PRKN: variants seen among roughly 807,000 people sequenced by gnomAD.
The protein encoded by PRKN is parkin RBR E3 ubiquitin protein ligase, also known as E3 ubiquitin-protein ligase parkin.
In PRKN, 56 loss-of-function variants were observed where a neutral mutation model predicts 59.5. The observed-to-expected ratio is 0.94, with a 90% CI of 0.76 to 1.18. The LOEUF (loss-of-function observed/expected upper bound fraction) is 1.18. PRKN is among the 50% of genes most tolerant of loss of function. The pLI is 0.00. For missense variants in PRKN, 657 were observed against 596.4 expected (o/e 1.10, Z -1.06); for synonymous variants, 250 against 222.1 (o/e 1.13, Z -1.12).
intron 6 of PRKN, among the ~76,000 whole-genome samples, chr6:161,820,109 C>T (rs1791958896): frequency 2.0e-5 from 3 of 152,090 alleles, no homozygotes; most frequent in African/African-American, 7.2e-5. Context: ...TGTTTAACCT[C>T]ATTATTAATA....
intron 1 of PRKN, among the ~76,000 whole-genome samples, chr6:162,548,972 T>G (rs1779227850): frequency 1.3e-5 from 2 of 152,092 alleles, no homozygotes; most frequent in African/African-American, 4.8e-5. Flanking sequence ...GTAAAGGGAT[T>G]TCCCATCATA....
At chr6:161,773,979 G>A (rs1340708940) in intron 7 of PRKN, among the ~76,000 whole-genome samples, 1 of 152,112 alleles carries the variant, frequency 6.6e-6, no homozygotes, top group African/African-American at 2.4e-5. Context: ...CACTTCATCT[G>A]TAATCCAGAC....
At chr6:162,309,787 C>T (rs1782399663) in intron 2 of PRKN, among the ~76,000 whole-genome samples, 1 of 152,058 alleles carries the variant, frequency 6.6e-6, no homozygotes, top group Admixed American at 6.6e-5. Flanking sequence ...TGGAGTTTTG[C>T]TGTACAGATT....
chr6:162,374,244 T>C (rs1018123760), intron 2 of PRKN, among the ~76,000 whole-genome samples: 2 of 152,190 alleles, frequency 1.3e-5, no homozygotes. Context: ...CACACAGTTT[T>C]AAATTTTATT....
At position 161,757,865 on chromosome 6, in the gene PRKN, C is replaced by CTG. The variant is rs1293058952; in HGVS notation, c.871+27906_871+27907insCA. 5.4e-4 allele frequency among the ~76,000 whole-genome samples: 54 copies of CTG among 100,710 alleles called. 1 individual carries two copies. Among genetic ancestry groups the CTG allele is most frequent in the African/African-American group, 1.5e-3 (31 of 20,946 alleles). The allele number at this position is 100,710 out of a possible 152,430, so 66.1% of individuals were successfully genotyped here. On this transcript the variant is annotated intron_variant, in intron 7 of 11. Transcript: ENST00000366898. The stretch of plus-strand genomic sequence containing the variant: ...TCTCTCTCTCTCTCTCTCTCTCTCT[C>CTG]TCTCTCTGTGTATATATATATACAC...
chr6:161,412,449 A>G (rs187178209), intron 9 of PRKN, among the ~76,000 whole-genome samples: 89 of 129,154 alleles, frequency 6.9e-4, no homozygotes, highest in African/African-American at 2.5e-3. Context: ...TCCTCCACTC[A>G]CTCACTCCTT....
At chr6:162,174,851 T>C (rs2128320889) in intron 4 of PRKN, among the ~76,000 whole-genome samples, 1 of 152,316 alleles carries the variant, frequency 6.6e-6, no homozygotes, top group Non-Finnish European at 1.5e-5. Context: ...AAATACTAAC[T>C]GCATGCACTT....
chr6:161,644,789 G>A (rs1268026760), intron 7 of PRKN, among the ~76,000 whole-genome samples: 6 of 152,208 alleles, frequency 3.9e-5, no homozygotes, highest in East Asian at 1.9e-4. Flanking sequence ...GCTTCGAGAC[G>A]TCATTTGAGG....
At chr6:162,396,103 T>C (rs537141374) in intron 2 of PRKN, among the ~76,000 whole-genome samples, 2 of 152,166 alleles carry the variant, frequency 1.3e-5, no homozygotes, top group African/African-American at 4.8e-5. Context: ...GGCCTTAAGC[T>C]GAGTTAAGAG....
intron 2 of PRKN, among the ~76,000 whole-genome samples, chr6:162,329,908 T>C (rs1410432369): frequency 6.6e-6 from 1 of 152,128 alleles, no homozygotes; most frequent in African/African-American, 2.4e-5. Context: ...TGAGGGATCA[T>C]CTTGTCGGCC....
chr6:161,875,241 C>G (rs1442975968), intron 6 of PRKN, among the ~76,000 whole-genome samples: 2 of 148,770 alleles, frequency 1.3e-5, no homozygotes, highest in African/African-American at 5.0e-5. Context: ...GTTTCCCAGG[C>G]TAGAGTGGAG....
intron 4 of PRKN, among the ~76,000 whole-genome samples, chr6:162,146,818 C>T (rs1782050052): frequency 2.0e-5 from 3 of 151,210 alleles, no homozygotes; most frequent in East Asian, 2.0e-4. Context: ...TCTTTTTATT[C>T]CTCCTGGGCT....
Position 161,990,957 on chromosome 6 carries a change from C to T in PRKN, c.619-17540G>A, listed in dbSNP as rs141331244. Among the ~76,000 whole-genome samples, 710 of 152,248 alleles carry T rather than the reference C, an allele frequency of 4.7e-3. 4 individuals are homozygous for T. The highest frequency in any genetic ancestry group is 0.015 in the African/African-American group (612 of 41,552). ...TGTCTTTTTCAAGGAACATTAGAGT[C>T]AGACTGTTAAAAGTTAAAGACAAAC... On this transcript the variant is annotated intron_variant, in intron 5 of 11. Transcript: ENST00000366898.
At chr6:162,511,313 T>C (rs980526899) in intron 1 of PRKN, among the ~76,000 whole-genome samples, 7 of 152,140 alleles carry the variant, frequency 4.6e-5, no homozygotes, top group African/African-American at 1.7e-4. Flanking sequence ...CAACATGAAA[T>C]GCAATTATGC....
At chr6:162,077,379 A>C (rs1292223229) in intron 4 of PRKN, among the ~76,000 whole-genome samples, 1 of 152,124 alleles carries the variant, frequency 6.6e-6, no homozygotes, top group African/African-American at 2.4e-5. Flanking sequence ...ACAATGACAA[A>C]ATCACCTAAC....
At chr6:161,918,644 A>G (rs536327135) in intron 6 of PRKN, among the ~76,000 whole-genome samples, 184 of 152,298 alleles carry the variant, frequency 1.2e-3, no homozygotes, top group African/African-American at 4.0e-3. Context: ...TAACGAACTC[A>G]GTGGGGTGAG....
At chr6:162,258,229 A>G (rs1218284779) in intron 3 of PRKN, among the ~76,000 whole-genome samples, 1 of 152,174 alleles carries the variant, frequency 6.6e-6, no homozygotes, top group Non-Finnish European at 1.5e-5. Flanking sequence ...AGCTGCTCCA[A>G]ATAGAATAGC....
intron 5 of PRKN, among the ~76,000 whole-genome samples, chr6:162,002,149 T>C (rs531406197): frequency 9.3e-4 from 141 of 152,170 alleles, no homozygotes; most frequent in African/African-American, 3.2e-3. Context: ...CTGTTGTTTG[T>C]AGTAGGGTAA....
intron 4 of PRKN, among the ~76,000 whole-genome samples, chr6:162,097,013 A>G (rs1401146212): frequency 6.6e-6 from 1 of 151,744 alleles, no homozygotes; most frequent in Non-Finnish European, 1.5e-5. Flanking sequence ...AGTAGCTGGG[A>G]TTACAGGCAC....
Sources: gnomAD v4.1 joint callset for allele counts (sites outside exome capture counted in the v4.1 genomes callset) on GRCh38, gnomAD v4.1.1 for gene constraint, MANE v1.5 for transcripts, NCBI Gene and HGNC (gene_info 2026-07-23, HGNC 2026-07-21) for gene names.